TOP2B: variants seen among roughly 807,000 people sequenced by gnomAD.
TOP2B encodes DNA topoisomerase 2-beta.
In TOP2B, 51 loss-of-function variants were observed where a neutral mutation model predicts 193.5. The ratio of observed to expected loss-of-function variants is 0.26; its 90% CI spans 0.21 to 0.33. TOP2B has a LOEUF of 0.33. Ranked by LOEUF, TOP2B falls within the 10% of genes least tolerant of loss-of-function variation. TOP2B has a pLI of 1.00. For synonymous variants in TOP2B, 634 were observed against 635.7 expected (o/e 1.00, Z 0.04); for missense variants, 1,378 against 1,909.3 (o/e 0.72, Z 5.19).
At chr3:25,624,996 TA>T (rs1255114745) in intron 18 of TOP2B, 193 bp from the exon 19 acceptor site, 2 of 514,884 alleles carry the variant, frequency 3.9e-6, no homozygotes, top group African/African-American at 3.9e-5. Flanking sequence ...CATCTGCAGG[TA>T]TATACTAAGA....
Position 25,627,167 on chromosome 3 carries a change from T to C in TOP2B, c.2016+20A>G. The C allele has an allele frequency of 6.4e-7, 1 of 1,560,812 alleles. No homozygotes were observed. Among genetic ancestry groups the C allele is most frequent in the South Asian group, 1.2e-5 (1 of 85,756 alleles). The stretch of plus-strand genomic sequence containing the variant: ...TAGGGGGATGGCTAACAAAAGCTTT[T>C]AAAAAATTAACTTAATTACCAAGGT... On this transcript the variant is annotated intron_variant, in intron 16 of 35. Transcript: ENST00000264331.
intron 31 of TOP2B, among the ~76,000 whole-genome samples, 197 bp downstream of exon 31, chr3:25,606,974 A>G (rs902924009): frequency 6.6e-6 from 1 of 152,168 alleles, no homozygotes; most frequent in Non-Finnish European, 1.5e-5. Flanking sequence ...TGAGCCCTTT[A>G]TGGAAAAAGT....
chr3:25,600,485 T>C (rs1702063105), intron 34 of TOP2B, among the ~76,000 whole-genome samples: 1 of 152,224 alleles, frequency 6.6e-6, no homozygotes, highest in Non-Finnish European at 1.5e-5. Context: ...CTACAGCTCC[T>C]TATCCCAACC....
intron 1 of TOP2B, among the ~76,000 whole-genome samples, chr3:25,662,277 C>G (rs553118964): frequency 6.6e-6 from 1 of 152,306 alleles, no homozygotes; most frequent in East Asian, 1.9e-4. Flanking sequence ...CCTACATCAG[C>G]CTGACGTCAA....
At chr3:25,644,700 G>C (rs1437027208) in intron 2 of TOP2B, among the ~76,000 whole-genome samples, 4 of 151,494 alleles carry the variant, frequency 2.6e-5, no homozygotes, top group South Asian at 2.1e-4. Flanking sequence ...GACACGGGGT[G>C]GGGGGGCATC....
At position 25,599,022 on chromosome 3, in the gene TOP2B, G is replaced by A. The variant is rs540488240; in HGVS notation, c.4710+413C>T. Among the ~76,000 whole-genome samples, 7 of 152,038 alleles carry A rather than the reference G, an allele frequency of 4.6e-5. No individual in the cohort carries two copies. The South Asian group carries it at 1.5e-3, about 32-fold the overall frequency. On this transcript the variant is annotated intron_variant, in intron 35 of 35. Transcript: ENST00000264331. ...TACCTAAAAGAAATAGTGTACTTCT[G>A]GAAAAGGGTCAGACTAATTGGAAAA...
In TOP2B at chr3:25,664,260, ACGCCGGCTCCCG is replaced by A. The variant is rs973235392; in HGVS notation, c.26_37del (p.Ala9_Gly12del). ...GGTCAGTGCCCCGTTGCCGCCGCCCACGCCGGCTCCCGCGCCGCAGCCACCCGACTTGGCCAT... is the reference window on the plus strand; with the variant it reads ...GGTCAGTGCCCCGTTGCCGCCGCCCACGCCGCAGCCACCCGACTTGGCCAT... On this transcript the variant is annotated inframe_deletion, in exon 1 of 36. Transcript: ENST00000264331. The A allele has an allele frequency of 6.5e-7, 1 of 1,535,122 alleles. No individual in the cohort carries two copies. The highest frequency in any genetic ancestry group is 1.4e-5 in the African/African-American group (1 of 72,066).
At chr3:25,631,560 C>G (rs1418980746) in intron 10 of TOP2B, among the ~76,000 whole-genome samples, 1 of 151,938 alleles carries the variant, frequency 6.6e-6, no homozygotes, top group African/African-American at 2.4e-5. Flanking sequence ...TTTTATCATC[C>G]TCGGTGATTT....
chr3:25,638,921 T>C (rs1463973223), intron 4 of TOP2B, among the ~76,000 whole-genome samples: 1 of 152,188 alleles, frequency 6.6e-6, no homozygotes, highest in East Asian at 1.9e-4. Context: ...ATAAGAATAC[T>C]GCATTTAATA....
intron 28 of TOP2B, among the ~76,000 whole-genome samples, chr3:25,611,701 T>C (rs537415379): frequency 6.6e-6 from 1 of 152,154 alleles, no homozygotes; most frequent in South Asian, 2.1e-4. Flanking sequence ...TTTTTAATCC[T>C]CAATAGCACC....
In TOP2B at chr3:25,635,926, G is replaced by C; in HGVS notation, c.852+10C>G. The C allele has an allele frequency of 1.9e-6, 3 of 1,609,428 alleles. No homozygotes were observed. Among genetic ancestry groups the C allele is most frequent in the Non-Finnish European group, 2.5e-6 (3 of 1,176,888 alleles). ...AACATAGTATTAAAACTATTTTACA[G>C]GACACTTACAGGCAATTTCTTTCCA... On this transcript the variant is annotated intron_variant, in intron 7 of 35. Transcript: ENST00000264331.
At chr3:25,599,341 G>T in intron 35 of TOP2B, 94 bp downstream of exon 35, 1 of 1,104,708 alleles carries the variant, frequency 9.1e-7, no homozygotes, top group Non-Finnish European at 1.3e-6. Flanking sequence ...TAGGTGGAAA[G>T]CTGTTCCAGG....
At chr3:25,604,928 C>G in intron 32 of TOP2B, 58 bp from the exon 33 acceptor site, 1 of 1,284,618 alleles carries the variant, frequency 7.8e-7, no homozygotes, top group Non-Finnish European at 1.1e-6. Flanking sequence ...TCTCAGTAAA[C>G]TTTGACTCTT....
At chr3:25,660,719 A>G (rs1703885204) in intron 1 of TOP2B, among the ~76,000 whole-genome samples, 1 of 152,250 alleles carries the variant, frequency 6.6e-6, no homozygotes, top group Non-Finnish European at 1.5e-5. Context: ...TCGCAACAGT[A>G]AACCACTAAA....
chr3:25,632,353 G>A (rs1396573268), intron 10 of TOP2B, 93 bp downstream of exon 10: 11 of 1,121,580 alleles, frequency 9.8e-6, no homozygotes, highest in Admixed American at 2.8e-5. Flanking sequence ...CAGTTAATAC[G>A]ATGAAAGAAA....
At chr3:25,619,281 G>C (rs1044588076) in intron 23 of TOP2B, among the ~76,000 whole-genome samples, 1 of 148,568 alleles carries the variant, frequency 6.7e-6, no homozygotes, top group African/African-American at 2.6e-5. Context: ...ACATTTACTT[G>C]TGCTATAATC....
At chr3:25,634,074 A>C in intron 7 of TOP2B, 60 bp from the exon 8 acceptor site, 1 of 1,285,626 alleles carries the variant, frequency 7.8e-7, no homozygotes, top group Non-Finnish European at 1.1e-6. Flanking sequence ...AAATAGGTGA[A>C]TCACCTTCAG....
intron 1 of TOP2B, among the ~76,000 whole-genome samples, chr3:25,656,415 T>A (rs1180291858): frequency 6.6e-6 from 1 of 151,958 alleles, no homozygotes; most frequent in African/African-American, 2.4e-5. Flanking sequence ...CCAGCCTGGG[T>A]GATAGCAAGC....
chr3:25,637,691 G>A (rs1180953447), intron 5 of TOP2B, among the ~76,000 whole-genome samples: 1 of 151,630 alleles, frequency 6.6e-6, no homozygotes, highest in Non-Finnish European at 1.5e-5. Flanking sequence ...GGTTTAAAAA[G>A]CAAAACAAAA....
Sources: allele counts gnomAD v4.1 joint callset (sites outside exome capture counted in the v4.1 genomes callset), GRCh38; gene constraint gnomAD v4.1.1; transcripts MANE v1.5; gene names NCBI Gene and HGNC (gene_info 2026-07-23, HGNC 2026-07-21).